WDFY3: variants seen among roughly 807,000 people sequenced by gnomAD.
WDFY3 encodes WD repeat and FYVE domain containing 3, also known as WD repeat and FYVE domain-containing protein 3.
A neutral mutation model predicts 409.6 loss-of-function variants in WDFY3; 66 were observed. That is an observed-to-expected ratio of 0.16 (90% confidence interval 0.13 to 0.20). The LOEUF (loss-of-function observed/expected upper bound fraction) is 0.20, where lower values mean the gene tolerates loss of function less well. WDFY3 is among the 10% of genes least tolerant of loss of function. The pLI, the probability that WDFY3 is intolerant of heterozygous loss-of-function variation, is 1.00. For synonymous variants in WDFY3, 1,521 were observed against 1,537.1 expected, an observed-to-expected ratio of 0.99 and a Z score of 0.25; for missense variants, 3,031 against 4,298.1, an observed-to-expected ratio of 0.71 and a Z score of 8.24.
chr4:84,745,603 A>G (rs1739295692), intron 36 of WDFY3, among the ~76,000 whole-genome samples: 1 of 152,222 alleles, frequency 6.6e-6, no homozygotes, highest in Admixed American at 6.5e-5. Flanking sequence ...TTTCTTCTGC[A>G]TGAGACTATT....
At chr4:84,702,652 T>C (rs550410572) in intron 55 of WDFY3, 146 bp from the exon 56 acceptor site, 7 of 647,364 alleles carry the variant, frequency 1.1e-5, no homozygotes, top group East Asian at 3.1e-5. Flanking sequence ...AAATTTTTAA[T>C]AAACATAAAA....
intron 56 of WDFY3, among the ~76,000 whole-genome samples, chr4:84,697,382 A>G (rs1010385944): frequency 6.6e-6 from 1 of 152,252 alleles, no homozygotes; most frequent in Non-Finnish European, 1.5e-5. Flanking sequence ...TTTAAAAAGC[A>G]AAATCTGAAA....
At chr4:84,734,592 A>G (rs1385686827) in intron 43 of WDFY3, among the ~76,000 whole-genome samples, 1 of 152,238 alleles carries the variant, frequency 6.6e-6, no homozygotes, top group Non-Finnish European at 1.5e-5. Flanking sequence ...TTTTTCACTG[A>G]CATAATCACC....
At chr4:84,966,023 C>A (rs1471039640) in intron 1 of WDFY3, among the ~76,000 whole-genome samples, 186 bp downstream of exon 1, 1 of 152,024 alleles carries the variant, frequency 6.6e-6, no homozygotes, top group African/African-American at 2.4e-5. Context: ...GCGGCGGCTC[C>A]CGGCCAAGGC....
chr4:84,740,965 A>C (rs1738306179), intron 38 of WDFY3, among the ~76,000 whole-genome samples: 1 of 152,218 alleles, frequency 6.6e-6, no homozygotes, highest in Non-Finnish European at 1.5e-5. Flanking sequence ...TACTTTCTAC[A>C]TTAAGTATTA....
rs538158336 is a variant in WDFY3, at chr4:84,796,634, G to C, written c.3054C>G (p.Pro1018=). The part of the protein sequence containing the change: ...LVKSAEGSTV[P]LTRVKCLVSM... ...AGACCAGACACTTCACCCTGGTCAGGGGTACAGTACTTCCTTCCGCAGATT... is the reference window on the plus strand; with the variant it reads ...AGACCAGACACTTCACCCTGGTCAGCGGTACAGTACTTCCTTCCGCAGATT... The change falls in exon 19 of 68, where the codon CCC becomes CCG. Residue 1018 remains proline (P), a synonymous_variant. Coordinates refer to ENST00000295888, the MANE Select transcript of WDFY3 (RefSeq NM_014991.6). 1.9e-5 allele frequency: 31 copies of C among 1,613,950 alleles called. No homozygotes were observed. The highest frequency in any genetic ancestry group is 2.6e-5 in the Non-Finnish European group (31 of 1,179,990).
In WDFY3 at chr4:84,766,269, C is replaced by A; in HGVS notation, c.4953G>T (p.Lys1651Asn). Residue 1651 changes from lysine (K) to asparagine (N), a missense_variant, in exon 31 of 68, where the codon AAG becomes AAT. By Grantham distance (94) the Lys-to-Asn change is moderately conservative. Coordinates refer to ENST00000295888, the MANE Select transcript of WDFY3 (RefSeq NM_014991.6). ...TTACTTACTGCAAATTAATGCTTGTCTTTTCTTTAGATGTATAAATTAGTT... is the reference window on the plus strand; with the variant it reads ...TTACTTACTGCAAATTAATGCTTGTATTTTCTTTAGATGTATAAATTAGTT... ...LLKLIYTSKE[K>N]TSINLQACEE... 4 of 1,585,952 alleles carry A rather than the reference C, an allele frequency of 2.5e-6. No individual in the cohort carries two copies. The highest frequency in any genetic ancestry group is 3.4e-6 in the Non-Finnish European group (4 of 1,167,536).
At chr4:84,675,588 C>T (rs1324512371) in intron 67 of WDFY3, among the ~76,000 whole-genome samples, 1 of 152,200 alleles carries the variant, frequency 6.6e-6, no homozygotes, top group Non-Finnish European at 1.5e-5. Context: ...ATTATGGCAA[C>T]AGAAAGTAGC....
chr4:84,785,644 T>C (rs1375809942), intron 24 of WDFY3, among the ~76,000 whole-genome samples: 2 of 152,334 alleles, frequency 1.3e-5, no homozygotes, highest in East Asian at 1.9e-4. Context: ...GAATGTCACC[T>C]GGCACATAAT....
intron 27 of WDFY3, among the ~76,000 whole-genome samples, chr4:84,776,959 T>C (rs925034529): frequency 1.3e-5 from 2 of 152,026 alleles, no homozygotes; most frequent in African/African-American, 4.8e-5. Flanking sequence ...AGGAGAAGAA[T>C]TGATTAGGGC....
At chr4:84,783,218 GC>G in intron 24 of WDFY3, 144 bp from the exon 25 acceptor site, 2 of 741,556 alleles carry the variant, frequency 2.7e-6, no homozygotes, top group Non-Finnish European at 4.5e-6. Flanking sequence ...TTTAGGTCCA[GC>G]CTGGTGGCTC....
chr4:84,741,124 A>G (rs2149227027), intron 38 of WDFY3, among the ~76,000 whole-genome samples: 1 of 152,196 alleles, frequency 6.6e-6, no homozygotes, highest in African/African-American at 2.4e-5. Flanking sequence ...TTTAATATCA[A>G]CTCTTCATGC....
At chr4:84,818,856 A>G (rs1753684278) in intron 12 of WDFY3, among the ~76,000 whole-genome samples, 1 of 152,120 alleles carries the variant, frequency 6.6e-6, no homozygotes, top group South Asian at 2.1e-4. Flanking sequence ...GTACTAAGTG[A>G]CTTTTAGTCG....
intron 2 of WDFY3, among the ~76,000 whole-genome samples, chr4:84,918,873 A>T (rs547959333): frequency 6.6e-6 from 1 of 151,298 alleles, no homozygotes; most frequent in Non-Finnish European, 1.5e-5. Context: ...ACACACACAC[A>T]TGTGTACATT....
chr4:84,786,260 G>A lies in WDFY3; in HGVS notation c.3902-121C>T, dbSNP rs1747532918. 5 of 946,758 alleles carry A rather than the reference G, an allele frequency of 5.3e-6. No homozygotes were observed. In the South Asian group the frequency reaches 9.2e-5, roughly 17 times the overall value. The allele number at this position is 946,758 out of a possible 1,614,324, so 58.6% of individuals were successfully genotyped here. On this transcript the variant is annotated intron_variant, in intron 23 of 67. Transcript: ENST00000295888. ...GAAAGTCTTAAAGTAGAATAAGAGAGGTAAATTTAAAAACTATCTTCTCAG... is the reference window on the plus strand; with the variant it reads ...GAAAGTCTTAAAGTAGAATAAGAGAAGTAAATTTAAAAACTATCTTCTCAG...
At chr4:84,922,699 G>C (rs1251552530) in intron 2 of WDFY3, among the ~76,000 whole-genome samples, 1 of 151,800 alleles carries the variant, frequency 6.6e-6, no homozygotes, top group Non-Finnish European at 1.5e-5. Context: ...TCGCTCTTCT[G>C]CTCAGCCTGG....
intron 9 of WDFY3, 46 bp downstream of exon 9, chr4:84,828,958 G>T (rs1755263618): frequency 6.8e-7 from 1 of 1,478,574 alleles, no homozygotes; most frequent in Non-Finnish European, 9.0e-7. Context: ...TGATAAAAAA[G>T]ACTGAGTAGA....
At chr4:84,900,656 T>C (rs1766229656) in intron 2 of WDFY3, among the ~76,000 whole-genome samples, 2 of 152,200 alleles carry the variant, frequency 1.3e-5, no homozygotes, top group Admixed American at 6.5e-5. Flanking sequence ...TGAAGACAGA[T>C]TGGTGGTTGC....
intron 1 of WDFY3, among the ~76,000 whole-genome samples, chr4:84,956,894 A>T (rs1774300879): frequency 1.3e-5 from 2 of 152,142 alleles, no homozygotes; most frequent in African/African-American, 2.4e-5. Flanking sequence ...GAAATATCAC[A>T]AAACAATGAC....
Sources: allele counts gnomAD v4.1 joint callset (sites outside exome capture counted in the v4.1 genomes callset), GRCh38; gene constraint gnomAD v4.1.1; transcripts MANE v1.5; gene names NCBI Gene and HGNC (gene_info 2026-07-23, HGNC 2026-07-21).